SORCS1: variants seen among roughly 807,000 people sequenced by gnomAD.
The protein encoded by SORCS1 is sortilin related VPS10 domain containing receptor 1, also known as VPS10 domain-containing receptor SorCS1.
Under a neutral mutation model 146.1 loss-of-function variants are expected in SORCS1, and 60 were observed. The ratio of observed to expected loss-of-function variants is 0.41; its 90% CI spans 0.33 to 0.51. SORCS1 has a LOEUF of 0.51. Ranked by LOEUF, SORCS1 falls within the 20% of genes least tolerant of loss-of-function variation. SORCS1 has a pLI of 0.21. For synonymous variants in SORCS1, 637 were observed against 584.0 expected (o/e 1.09, Z -1.31); for missense variants, 1,352 against 1,487.6 (o/e 0.91, Z 1.50).
chr10:106,630,977 T>C (rs2133588524), intron 18 of SORCS1, among the ~76,000 whole-genome samples: 1 of 152,336 alleles, frequency 6.6e-6, no homozygotes, highest in East Asian at 1.9e-4. Context: ...TTTGTTGTTG[T>C]TGTTAGCCTT....
intron 2 of SORCS1, among the ~76,000 whole-genome samples, chr10:106,921,696 A>C (rs576324837): frequency 6.6e-6 from 1 of 152,142 alleles, no homozygotes; most frequent in Non-Finnish European, 1.5e-5. Context: ...CTACCCCTAT[A>C]GAAACTATAA....
chr10:107,018,974 T>G (rs1344159675), intron 1 of SORCS1, among the ~76,000 whole-genome samples: 2 of 152,358 alleles, frequency 1.3e-5, no homozygotes, highest in East Asian at 1.9e-4. Flanking sequence ...GGCTCAGCTC[T>G]GCTATTCAAT....
intron 1 of SORCS1, among the ~76,000 whole-genome samples, chr10:107,120,853 G>T (rs190893062): frequency 4.6e-5 from 7 of 152,096 alleles, no homozygotes; most frequent in African/African-American, 1.4e-4. Flanking sequence ...GGAGACCACA[G>T]TGAGGAAATC....
At chr10:106,616,972 G>A (rs980114364) in intron 21 of SORCS1, among the ~76,000 whole-genome samples, 12 of 148,242 alleles carry the variant, frequency 8.1e-5, no homozygotes, top group South Asian at 4.3e-4. Context: ...TTTTTCTTTC[G>A]AGATGGAGTT....
chr10:107,086,113 C>A (rs185833978), intron 1 of SORCS1, among the ~76,000 whole-genome samples: 1 of 152,274 alleles, frequency 6.6e-6, no homozygotes, highest in Admixed American at 6.5e-5. Flanking sequence ...TGTGTAATCT[C>A]GTCTAAGCAC....
intron 1 of SORCS1, among the ~76,000 whole-genome samples, chr10:106,969,499 G>C (rs1335804176): frequency 6.6e-6 from 1 of 152,204 alleles, no homozygotes; most frequent in Non-Finnish European, 1.5e-5. Flanking sequence ...TGAGATGGAA[G>C]AGTTGAAAGA....
chr10:106,658,570 A>G (rs1850482528), intron 17 of SORCS1, among the ~76,000 whole-genome samples: 1 of 152,212 alleles, frequency 6.6e-6, no homozygotes, highest in African/African-American at 2.4e-5. Flanking sequence ...TTACAATGAC[A>G]CTAGGCTTAA....
chr10:107,061,458 C>A (rs1961224804), intron 1 of SORCS1, among the ~76,000 whole-genome samples: 1 of 152,158 alleles, frequency 6.6e-6, no homozygotes, highest in Non-Finnish European at 1.5e-5. Context: ...TGCCATCCAT[C>A]AGGTTTTTCG....
At chr10:106,935,092 A>T (rs1159669470) in intron 2 of SORCS1, among the ~76,000 whole-genome samples, 3 of 151,656 alleles carry the variant, frequency 2.0e-5, no homozygotes, top group Non-Finnish European at 4.4e-5. Context: ...CAAATAAAAA[A>T]AAGAAAAGAA....
At chr10:107,143,497 C>CTTCTT (rs1204504542) in intron 1 of SORCS1, among the ~76,000 whole-genome samples, 3 of 151,646 alleles carry the variant, frequency 2.0e-5, no homozygotes, top group East Asian at 3.9e-4. Flanking sequence ...CCAGCTAATT[C>CTTCTT]TTCTTTTCTT....
intron 5 of SORCS1, among the ~76,000 whole-genome samples, chr10:106,733,116 G>GAAAAAA (rs1856722392): frequency 8.3e-6 from 1 of 120,618 alleles, no homozygotes; most frequent in African/African-American, 3.3e-5. Flanking sequence ...TCAAAAAAAA[G>GAAAAAA]AAAAGAAAAG....
At chr10:106,852,009 T>C (rs887508278) in intron 2 of SORCS1, among the ~76,000 whole-genome samples, 1 of 152,222 alleles carries the variant, frequency 6.6e-6, no homozygotes, top group African/African-American at 2.4e-5. Context: ...TTGTTACTAG[T>C]GTATATTACT....
chr10:106,743,875 G>A (rs1312024870), intron 5 of SORCS1, among the ~76,000 whole-genome samples: 1 of 152,058 alleles, frequency 6.6e-6, no homozygotes, highest in Admixed American at 6.6e-5. Context: ...CCTCCATCTA[G>A]AATTAACCAC....
At chr10:107,128,578 C>A (rs917832490) in intron 1 of SORCS1, among the ~76,000 whole-genome samples, 1 of 152,164 alleles carries the variant, frequency 6.6e-6, no homozygotes, top group African/African-American at 2.4e-5. Context: ...TATAATGAAA[C>A]AAACCCATGG....
chr10:106,590,611 C>T (rs1329437223), intron 24 of SORCS1, among the ~76,000 whole-genome samples: 2 of 152,106 alleles, frequency 1.3e-5, no homozygotes, highest in African/African-American at 4.8e-5. Flanking sequence ...CTTCCAGATT[C>T]TTGCTAGAAA....
In SORCS1 at chr10:107,087,411, G is replaced by A. The variant is rs190338819; in HGVS notation, c.558+76558C>T. 9.2e-3 allele frequency among the ~76,000 whole-genome samples: 1,393 copies of A among 152,194 alleles called. 22 individuals are homozygous for A. The highest frequency in any genetic ancestry group is 8.4e-3 in the Non-Finnish European group (574 of 68,018). ...ACATGTTTTCATTTAATAAATAAAA[G>A]ACAATGTAATATAATGGAAAGTTCC... On this transcript the variant is annotated intron_variant, in intron 1 of 25. Transcript: ENST00000263054.
chr10:106,983,225 T>C, intron 1 of SORCS1, among the ~76,000 whole-genome samples: 1 of 147,072 alleles, frequency 6.8e-6, no homozygotes, highest in South Asian at 2.1e-4. Context: ...TATATATACA[T>C]ATTTCTATAT....
rs111533426 is a variant in SORCS1, at chr10:107,163,237, T to TG, written c.558+731dup. ...CTCTTCATTAGAGGAGGTCAGGCAA[T>TG]GGGGGAGAACAGGGAGTTGTTGTCA... On this transcript the variant is annotated intron_variant, in intron 1 of 25. Coordinates refer to ENST00000263054, the MANE Select transcript of SORCS1 (RefSeq NM_052918.5). Among the ~76,000 whole-genome samples, 1,258 of 152,268 alleles carry TG rather than the reference T, an allele frequency of 8.3e-3. 14 individuals carry two copies. Among genetic ancestry groups the TG allele is most frequent in the African/African-American group, 0.027 (1,123 of 41,546 alleles).
At chr10:106,937,794 T>A (rs1953820498) in intron 2 of SORCS1, among the ~76,000 whole-genome samples, 2 of 151,704 alleles carry the variant, frequency 1.3e-5, no homozygotes, top group South Asian at 4.2e-4. Flanking sequence ...TGAAATCCCA[T>A]CTCTACTAAA....
Sources: allele counts gnomAD v4.1 joint callset (sites outside exome capture counted in the v4.1 genomes callset), GRCh38; gene constraint gnomAD v4.1.1; transcripts MANE v1.5; gene names NCBI Gene and HGNC (gene_info 2026-07-23, HGNC 2026-07-21).